RUFY2: variants seen among roughly 807,000 people sequenced by gnomAD.
RUFY2 encodes RUN and FYVE domain-containing protein 2.
In RUFY2, 49 loss-of-function variants were observed where a neutral mutation model predicts 94.4. The ratio of observed to expected loss-of-function variants is 0.52; its 90% CI spans 0.41 to 0.66. The LOEUF (loss-of-function observed/expected upper bound fraction) is 0.66, where lower values mean the gene tolerates loss of function less well. Among genes scored for constraint, RUFY2 ranks in the 30% least tolerant of loss-of-function variants. The pLI, the probability that RUFY2 is intolerant of heterozygous loss-of-function variation, is 0.00. For synonymous variants in RUFY2, 255 were observed against 235.7 expected, an observed-to-expected ratio of 1.08 and a Z score of -0.75; for missense variants, 541 against 692.8, an observed-to-expected ratio of 0.78 and a Z score of 2.46.
intron 3 of RUFY2, 78 bp downstream of exon 3, chr10:68,401,542 G>A (rs2050849868): frequency 1.2e-6 from 1 of 839,096 alleles, no homozygotes; most frequent in South Asian, 1.4e-5. Flanking sequence ...AAGACAATAA[G>A]CTAGAGTGTG....
Position 68,357,541 on chromosome 10 carries a change from ATAATT to A in RUFY2, c.1551-2145_1551-2141del, listed in dbSNP as rs565045500. On this transcript the variant is annotated intron_variant, in intron 15 of 17. Coordinates refer to ENST00000602465, the MANE Select transcript of RUFY2 (RefSeq NM_001330103.2). ...GTCACCGTGCCAAGCCCCAGTTGGTATAATTTAAATTTTTTTTTCTTTAAAAAAGA... is the reference window on the plus strand; with the variant it reads ...GTCACCGTGCCAAGCCCCAGTTGGTATAAATTTTTTTTTCTTTAAAAAAGA... 3.2e-3 allele frequency among the ~76,000 whole-genome samples: 492 copies of A among 152,172 alleles called. 10 individuals carry two copies. Among genetic ancestry groups the A allele is most frequent in the Admixed American group, 0.029 (440 of 15,260 alleles).
At chr10:68,370,345 A>G (rs964143228) in intron 13 of RUFY2, among the ~76,000 whole-genome samples, 22 of 152,026 alleles carry the variant, frequency 1.4e-4, no homozygotes, top group African/African-American at 5.3e-4. Flanking sequence ...AAAAATAAAG[A>G]CAAAAGAAAA....
intron 13 of RUFY2, among the ~76,000 whole-genome samples, chr10:68,366,220 C>T (rs2047799126): frequency 6.7e-6 from 1 of 148,774 alleles, no homozygotes; most frequent in Non-Finnish European, 1.5e-5. Context: ...CCAGCTACTA[C>T]TTGGAAGGCT....
At chr10:68,342,275 C>G (rs2046012953), downstream of RUFY2, 1 of 462,146 alleles carries the variant, frequency 2.2e-6, no homozygotes, top group Non-Finnish European at 3.8e-6. Flanking sequence ...ATTCAAACCA[C>G]TGATGTTGAT....
intron 3 of RUFY2, 23 bp from the exon 4 acceptor site, chr10:68,396,904 C>T (rs568565943): frequency 6.7e-7 from 1 of 1,503,538 alleles, no homozygotes; most frequent in South Asian, 1.1e-5. Context: ...ACCAATTGAT[C>T]AGAAAACAGC....
At chr10:68,342,439 G>A (rs2046022497), downstream of RUFY2, 1 of 162,202 alleles carries the variant, frequency 6.2e-6, no homozygotes, top group Non-Finnish European at 1.3e-5. Flanking sequence ...GCAGACATCT[G>A]GAATAGAGCT....
At chr10:68,392,047 G>C (rs192612530) in intron 7 of RUFY2, among the ~76,000 whole-genome samples, 6 of 149,208 alleles carry the variant, frequency 4.0e-5, no homozygotes, top group Non-Finnish European at 7.4e-5. Context: ...TTTTTGAGAC[G>C]GAGTTTCACA....
chr10:68,365,090 TA>T (rs1343166825), intron 13 of RUFY2, among the ~76,000 whole-genome samples: 2 of 152,196 alleles, frequency 1.3e-5, no homozygotes, highest in African/African-American at 4.8e-5. Flanking sequence ...ATATTTAGAT[TA>T]TTTTTTATTA....
intron 13 of RUFY2, among the ~76,000 whole-genome samples, chr10:68,365,024 A>G (rs1342774602): frequency 2.0e-5 from 3 of 152,176 alleles, no homozygotes; most frequent in East Asian, 3.9e-4. Flanking sequence ...CTAATACTTT[A>G]TATTTTAATT....
intron 13 of RUFY2, among the ~76,000 whole-genome samples, chr10:68,365,670 TTTAA>T (rs1375707263): frequency 6.6e-6 from 1 of 152,250 alleles, no homozygotes; most frequent in African/African-American, 2.4e-5. Context: ...TGTTCTGGTC[TTTAA>T]TTAGCAGTTT....
At chr10:68,387,226 G>A (rs780942401) in intron 7 of RUFY2, among the ~76,000 whole-genome samples, 3 of 151,796 alleles carry the variant, frequency 2.0e-5, no homozygotes, top group African/African-American at 4.8e-5. Context: ...GCGTGGTGGC[G>A]GGCGTCTGTA....
At chr10:68,342,796 G>A (rs1305245723), downstream of RUFY2, 3 of 152,556 alleles carry the variant, frequency 2.0e-5, no homozygotes, top group Non-Finnish European at 1.5e-5. Flanking sequence ...GTAGGGTTAA[G>A]GTTCTCAGTG....
At chr10:68,393,288 A>G in intron 6 of RUFY2, 85 bp from the exon 7 acceptor site, 1 of 637,262 alleles carries the variant, frequency 1.6e-6, no homozygotes, top group Non-Finnish European at 2.6e-6. Context: ...AAATTATTAT[A>G]AAACTAAAAT....
At chr10:68,406,765 C>A (rs2051354052) in intron 1 of RUFY2, 3 of 1,610,784 alleles carry the variant, frequency 1.9e-6, no homozygotes, top group South Asian at 1.1e-5. Context: ...CAGGCTCCTG[C>A]GCGTCAGCAT....
chr10:68,352,750 G>A (rs999826999), intron 16 of RUFY2, among the ~76,000 whole-genome samples: 21 of 152,000 alleles, frequency 1.4e-4, no homozygotes, highest in Admixed American at 6.6e-5. Context: ...TCAATATGGT[G>A]AAACCCCATC....
intron 13 of RUFY2, among the ~76,000 whole-genome samples, chr10:68,365,498 TG>T (rs898519636): frequency 2.6e-5 from 4 of 152,168 alleles, no homozygotes; most frequent in Non-Finnish European, 5.9e-5. Flanking sequence ...TGGTGTCCTG[TG>T]GAAGACTGGT....
chr10:68,349,430 A>G (rs2046503001), intron 16 of RUFY2, among the ~76,000 whole-genome samples: 1 of 151,294 alleles, frequency 6.6e-6, no homozygotes, highest in Admixed American at 6.6e-5. Context: ...TGAGGGGGGG[A>G]GGATTGCTTG....
intron 10 of RUFY2, among the ~76,000 whole-genome samples, chr10:68,381,657 C>G (rs1035269979): frequency 2.7e-4 from 41 of 152,038 alleles, no homozygotes; most frequent in African/African-American, 9.4e-4. Context: ...CCAGCCTGAC[C>G]AACATGGTGA....
chr10:68,341,229 G>A (rs765073589), downstream of RUFY2: 1 of 1,602,136 alleles, frequency 6.2e-7, no homozygotes. Flanking sequence ...GCTGATGGCA[G>A]AGCCACAGGA....
Sources: allele counts gnomAD v4.1 joint callset (sites outside exome capture counted in the v4.1 genomes callset), GRCh38; gene constraint gnomAD v4.1.1; transcripts MANE v1.5; gene names NCBI Gene and HGNC (gene_info 2026-07-23, HGNC 2026-07-21).